Variants in EPS15 observed in about 807,000 individuals in gnomAD.
EPS15 encodes the protein epidermal growth factor receptor pathway substrate 15.
EPS15 carries 72 observed loss-of-function variants against 113.8 expected under a neutral mutation model. That is an observed-to-expected ratio of 0.63 (90% CI 0.52 to 0.77). EPS15 has a LOEUF of 0.77. Ranked by LOEUF, EPS15 falls within the 30% of genes least tolerant of loss-of-function variation. The probability of loss-of-function intolerance (pLI) is 0.00; values close to 1 mark genes in which losing one functional copy is unlikely to be tolerated. For missense variants in EPS15, 1,048 were observed against 1,045.8 expected, an observed-to-expected ratio of 1.00 and a Z score of -0.03; for synonymous variants, 344 against 363.4, an observed-to-expected ratio of 0.95 and a Z score of 0.61.
At chr1:51,486,092 G>A (rs536587700) in intron 1 of EPS15, among the ~76,000 whole-genome samples, 6 of 151,874 alleles carry the variant, frequency 4.0e-5, no homozygotes, top group Middle Eastern at 3.4e-3. Flanking sequence ...GCCACCATGC[G>A]CAGTCGAGTC....
intron 21 of EPS15, among the ~76,000 whole-genome samples, chr1:51,376,521 G>A (rs149748777): frequency 0.039 from 5,866 of 152,118 alleles, 175 homozygotes; most frequent in Middle Eastern, 0.11. Flanking sequence ...AAAATCAGCC[G>A]TGTGTGGTGG....
At chr1:51,499,845 T>A (rs1644383347) in intron 1 of EPS15, among the ~76,000 whole-genome samples, 1 of 152,232 alleles carries the variant, frequency 6.6e-6, no homozygotes, top group Non-Finnish European at 1.5e-5. Flanking sequence ...AGTACAGAAT[T>A]CAGTGGCACT....
intron 1 of EPS15, among the ~76,000 whole-genome samples, chr1:51,482,413 G>A (rs1213707800): frequency 6.6e-6 from 1 of 152,116 alleles, no homozygotes; most frequent in Non-Finnish European, 1.5e-5. Flanking sequence ...AACGATAAGA[G>A]GGATAGGGAG....
chr1:51,415,041 C>T (rs529630226), intron 13 of EPS15, among the ~76,000 whole-genome samples: 1 of 151,918 alleles, frequency 6.6e-6, no homozygotes, highest in Non-Finnish European at 1.5e-5. Context: ...TATCACATTG[C>T]TACCAATATA....
At chr1:51,383,182 T>C (rs1316448434) in intron 21 of EPS15, among the ~76,000 whole-genome samples, 4 of 152,206 alleles carry the variant, frequency 2.6e-5, no homozygotes, top group Non-Finnish European at 5.9e-5. Context: ...TTCAAAACCC[T>C]TTCATGATAA....
chr1:51,463,113 T>C (rs1024902205), intron 7 of EPS15: 2 of 152,144 alleles, frequency 1.3e-5, no homozygotes, highest in Non-Finnish European at 2.9e-5. Context: ...CCTGACCTCG[T>C]GATCCACCCG....
Position 51,354,729 on chromosome 1 carries a change from T to TA in EPS15, c.*1970dup, listed in dbSNP as rs2148331273. ...ATATAATATATACATACTTTAATAT[T>TA]ATGTTGGTCCACGGGGTATACACAT... is the stretch of plus-strand genomic sequence containing the variant. On this transcript the variant is annotated 3_prime_UTR_variant, in exon 25 of 25. Transcript: ENST00000371733. 5.4e-6 allele frequency: 1 copy of TA among 185,592 alleles called. No individual in the cohort carries two copies. The highest frequency in any genetic ancestry group is 8.7e-5 in the East Asian group (1 of 11,456). The allele number at this position is 185,592 out of a possible 1,614,324, so 11.5% of individuals were successfully genotyped here. A position where few individuals can be genotyped will look rare whatever the true frequency, so the allele number is the denominator to read the frequency against.
intron 24 of EPS15, among the ~76,000 whole-genome samples, chr1:51,357,408 ATATATATATATATATATATTTTTT>A (rs1646253293): frequency 1.7e-5 from 1 of 57,298 alleles, no homozygotes; most frequent in Non-Finnish European, 3.1e-5. Context: ...ATATATATAT[ATATATATATATATATATATTTTTT>A]TTTTTTAAAT....
chr1:51,440,240 G>A (rs1011571620), intron 12 of EPS15, 107 bp downstream of exon 12: 4 of 438,164 alleles, frequency 9.1e-6, no homozygotes, highest in Admixed American at 3.7e-5. Flanking sequence ...ACAGAAAGGT[G>A]TGTGTGGGGA....
At chr1:51,425,788 G>C (rs1049437931) in intron 12 of EPS15, among the ~76,000 whole-genome samples, 1 of 152,096 alleles carries the variant, frequency 6.6e-6, no homozygotes, top group Non-Finnish European at 1.5e-5. Context: ...ATCATCTTAG[G>C]ATTTGCAAGG....
chr1:51,429,288 A>G (rs1488398720), intron 12 of EPS15, among the ~76,000 whole-genome samples: 1 of 152,180 alleles, frequency 6.6e-6, no homozygotes, highest in African/African-American at 2.4e-5. Flanking sequence ...ATTACTGTGA[A>G]TGTATTTAAT....
chr1:51,400,555 AG>A (rs1258655456), intron 19 of EPS15, among the ~76,000 whole-genome samples: 1 of 151,166 alleles, frequency 6.6e-6, no homozygotes, highest in Non-Finnish European at 1.5e-5. Flanking sequence ...AAATCAGTCA[AG>A]TATGCTGGCA....
chr1:51,515,811 T>TC (rs1644705653), intron 1 of EPS15, among the ~76,000 whole-genome samples: 1 of 152,236 alleles, frequency 6.6e-6, no homozygotes, highest in South Asian at 2.1e-4. Flanking sequence ...GCTTTTGAAG[T>TC]CCTACAGACC....
At chr1:51,469,012 C>T (rs1655056125) in intron 4 of EPS15, among the ~76,000 whole-genome samples, 1 of 152,018 alleles carries the variant, frequency 6.6e-6, no homozygotes, top group Admixed American at 6.6e-5. Flanking sequence ...CACCTGTAGT[C>T]CCAACTACTC....
chr1:51,474,291 A>G (rs1482647770), intron 2 of EPS15, among the ~76,000 whole-genome samples: 1 of 152,268 alleles, frequency 6.6e-6, no homozygotes, highest in African/African-American at 2.4e-5. Flanking sequence ...GAAAATGACT[A>G]TACTTTTGAT....
chr1:51,364,069 C>G, intron 22 of EPS15, 41 bp from the exon 23 acceptor site: 2 of 1,473,986 alleles, frequency 1.4e-6, no homozygotes, highest in Non-Finnish European at 1.8e-6. Context: ...CTATACCAAG[C>G]AAATTGTGGT....
At chr1:51,419,854 A>T (rs1650581130) in intron 13 of EPS15, among the ~76,000 whole-genome samples, 1 of 152,096 alleles carries the variant, frequency 6.6e-6, no homozygotes, top group African/African-American at 2.4e-5. Flanking sequence ...TTGCTTCAGA[A>T]AATTGAAAAT....
At chr1:51,426,837 C>CTCTCTCTCTATATATATATATA (rs377211027) in intron 12 of EPS15, among the ~76,000 whole-genome samples, 6 of 143,644 alleles carry the variant, frequency 4.2e-5, no homozygotes, top group African/African-American at 1.6e-4. Context: ...CTCTCTCTCT[C>CTCTCTCTCTATATATATATATA]TATATATATA....
intron 1 of EPS15, among the ~76,000 whole-genome samples, chr1:51,517,113 A>G (rs1644734126): frequency 6.6e-6 from 1 of 152,374 alleles, no homozygotes; most frequent in Admixed American, 6.5e-5. Context: ...GTTTTGAAGT[A>G]ACAAGGAGGC....
Sources: allele counts gnomAD v4.1 joint callset (sites outside exome capture counted in the v4.1 genomes callset), GRCh38; gene constraint gnomAD v4.1.1; transcripts MANE v1.5; gene names NCBI Gene and HGNC (gene_info 2026-07-23, HGNC 2026-07-21).